HSD3B2: variants seen among roughly 807,000 people sequenced by gnomAD.
HSD3B2 encodes hydroxy-delta-5-steroid dehydrogenase, 3 beta- and steroid delta-isomerase 2.
A neutral mutation model predicts 9.9 loss-of-function variants in HSD3B2; 8 were observed. The ratio of observed to expected loss-of-function variants is 0.81; its 90% CI spans 0.47 to 1.46. The LOEUF (loss-of-function observed/expected upper bound fraction) is 1.46. Ranked by LOEUF, HSD3B2 falls within the 40% of genes most tolerant of loss-of-function variation. The probability of loss-of-function intolerance (pLI) is 0.00; values close to 1 mark genes in which losing one functional copy is unlikely to be tolerated. For missense variants in HSD3B2, 410 were observed against 448.3 expected (o/e 0.91, Z 0.77); for synonymous variants, 221 against 184.5 (o/e 1.20, Z -1.60).
At chr1:119,417,856 G>A (rs1478505685) in intron 2 of HSD3B2, among the ~76,000 whole-genome samples, 1 of 152,156 alleles carries the variant, frequency 6.6e-6, no homozygotes, top group Non-Finnish European at 1.5e-5. Context: ...ATGGCAGGTG[G>A]AATGGGCAGG....
intron 2 of HSD3B2, 59 bp downstream of exon 2, chr1:119,415,620 G>A (rs1264592391): frequency 1.9e-6 from 3 of 1,577,672 alleles, no homozygotes; most frequent in African/African-American, 2.7e-5. Flanking sequence ...TGGGTGTGGG[G>A]AGGTTGACCT....
chr1:119,418,636 T>TTATTATTATTAC (rs1400353115), intron 2 of HSD3B2, among the ~76,000 whole-genome samples: 2 of 42,894 alleles, frequency 4.7e-5, no homozygotes, highest in African/African-American at 1.0e-4. Context: ...ATTACTATTA[T>TTATTATTATTAC]TATTATTATT....
In HSD3B2 at chr1:119,422,551, G is replaced by A. The variant is rs764620496; in HGVS notation, c.1050G>A (p.Gln350=). Residue 350 remains glutamine (Q), a synonymous_variant, in exon 4 of 4, where the codon CAG becomes CAA. Coordinates refer to ENST00000369416, the MANE Select transcript of HSD3B2 (RefSeq NM_000198.4). ...KPLYSWEEAK[Q]KTVEWVGSLV... Reference sequence around the variant, plus strand: ...TCTACAGCTGGGAGGAAGCCAAGCAGAAAACCGTGGAGTGGGTTGGTTCCC... The same window carrying A: ...TCTACAGCTGGGAGGAAGCCAAGCAAAAAACCGTGGAGTGGGTTGGTTCCC... 3 of 1,614,114 alleles carry A rather than the reference G, an allele frequency of 1.9e-6. No individual in the cohort carries two copies. The highest frequency in any genetic ancestry group is 2.5e-6 in the Non-Finnish European group (3 of 1,180,000).
At chr1:119,418,531 G>T (rs1651768374) in intron 2 of HSD3B2, among the ~76,000 whole-genome samples, 2 of 151,882 alleles carry the variant, frequency 1.3e-5, no homozygotes, top group Admixed American at 6.6e-5. Flanking sequence ...TGATCACCTG[G>T]CTTTCTCATT....
In HSD3B2 at chr1:119,422,704, CA is replaced by C; in HGVS notation, c.*85del. The C allele has an allele frequency of 6.6e-7, 1 of 1,512,212 alleles. No homozygotes were observed. Among genetic ancestry groups the C allele is most frequent in the Admixed American group, 1.8e-5 (1 of 54,680 alleles). 93.7% of individuals were successfully genotyped at this position (1,512,212 alleles called of 1,614,324 possible). On this transcript the variant is annotated 3_prime_UTR_variant, in exon 4 of 4. Coordinates refer to ENST00000369416, the MANE Select transcript of HSD3B2 (RefSeq NM_000198.4). Reference sequence around the variant, plus strand: ...CCACCTGGCTTCATACAGAAGGCAACAGGGGCACAAGCCCAGGTCCTGCTGC... The same window carrying C: ...CCACCTGGCTTCATACAGAAGGCAACGGGGCACAAGCCCAGGTCCTGCTGC...
intron 2 of HSD3B2, among the ~76,000 whole-genome samples, chr1:119,415,939 G>T (rs1180665554): frequency 6.6e-6 from 1 of 152,186 alleles, no homozygotes; most frequent in Non-Finnish European, 1.5e-5. Context: ...GACCTCACCA[G>T]TGGGTCCTGC....
Position 119,422,351 on chromosome 1 carries a change from A to G in HSD3B2, c.850A>G (p.Ser284Gly). Residue 284 changes from serine (S) to glycine (G), a missense_variant, in exon 4 of 4, where the codon AGC becomes GGC. Transcript: ENST00000369416. ...EFGLRLDSRW[S>G]LPLTLMYWIG... ...TGGCCTCCGCCTTGATTCCAGATGGAGCCTTCCTTTAACCCTGATGTACTG... is the reference window on the plus strand; with the variant it reads ...TGGCCTCCGCCTTGATTCCAGATGGGGCCTTCCTTTAACCCTGATGTACTG... 1 of 1,614,146 alleles carries G rather than the reference A, an allele frequency of 6.2e-7. No homozygotes were observed.
rs1348642435 is a variant in HSD3B2 at position 119,421,417 on chromosome 1, G to A, written c.308-392G>A. Among the ~76,000 whole-genome samples, 842 of 90,256 alleles carry A rather than the reference G, an allele frequency of 9.3e-3. 21 individuals are homozygous for A. The highest frequency in any genetic ancestry group is 0.069 in the African/African-American group (764 of 11,134). 59.2% of individuals were successfully genotyped at this position (90,256 alleles called of 152,430 possible). On this transcript the variant is annotated intron_variant, in intron 3 of 3. Transcript: ENST00000369416. ...TATATATATATGTATATATATATAT[G>A]TATATATATGTATATATATATATGT...
At position 119,422,397 on chromosome 1, in the gene HSD3B2, T is replaced by C. The variant is rs1570823537; in HGVS notation, c.896T>C (p.Val299Ala). The change falls in exon 4 of 4, where the codon GTA becomes GCA. Residue 299 changes from valine to alanine, a missense_variant. Coordinates refer to ENST00000369416, the MANE Select transcript of HSD3B2 (RefSeq NM_000198.4). Reference sequence around the variant, plus strand: ...TACTGGATTGGCTTCCTGCTGGAAGTAGTGAGCTTCCTACTCAGCCCAATT... The same window carrying C: ...TACTGGATTGGCTTCCTGCTGGAAGCAGTGAGCTTCCTACTCAGCCCAATT... ...LMYWIGFLLE[V>A]VSFLLSPIYS... The C allele has an allele frequency of 6.2e-7, 1 of 1,614,112 alleles. No homozygotes were observed. Among genetic ancestry groups the C allele is most frequent in the Non-Finnish European group, 8.5e-7 (1 of 1,179,986 alleles).
intron 3 of HSD3B2, among the ~76,000 whole-genome samples, chr1:119,421,393 ATATATATATGTATATATATATATG>A (rs1211283651): frequency 5.0e-5 from 6 of 119,644 alleles, no homozygotes; most frequent in African/African-American, 7.0e-5. Flanking sequence ...ATATATATGT[ATATATATATGTATATATATATATG>A]TATATATATG....
Position 119,422,086 on chromosome 1 carries a change from A to G in HSD3B2, c.585A>G (p.Pro195=), listed in dbSNP as rs1378986672. 3.1e-6 allele frequency: 5 copies of G among 1,613,966 alleles called. No homozygotes were observed. The highest frequency in any genetic ancestry group is 3.4e-6 in the Non-Finnish European group (4 of 1,179,990). Reference sequence around the variant, plus strand: ...CATATATCTATGGGGAAGGAGGCCCATTCCTTTCTGCCAGTATAAATGAGG... The same window carrying G: ...CATATATCTATGGGGAAGGAGGCCCGTTCCTTTCTGCCAGTATAAATGAGG... ...RPTYIYGEGG[P]FLSASINEAL... The change falls in exon 4 of 4, where the codon CCA becomes CCG. Residue 195 remains proline, a synonymous_variant. Transcript: ENST00000369416.
rs779418168 is a variant in HSD3B2, at chr1:119,421,965, C to G, written c.464C>G (p.Pro155Arg). The G allele has an allele frequency of 6.2e-7, 1 of 1,614,038 alleles. No individual in the cohort carries two copies. Among genetic ancestry groups the G allele is most frequent in the Admixed American group, 1.7e-5 (1 of 60,002 alleles). Reference sequence around the variant, plus strand: ...GAAAACACATGGCCCACTCCATACCCGTACAGCAAAAAGCTTGCTGAGAAG... The same window carrying G: ...GAAAACACATGGCCCACTCCATACCGGTACAGCAAAAAGCTTGCTGAGAAG... ...PLENTWPTPY[P>R]YSKKLAEKAV... The change falls in exon 4 of 4, where the codon CCG (proline) becomes CGG (arginine). Residue 155 changes from proline to arginine, a missense_variant. Pro to Arg is a moderately radical substitution (Grantham distance 103, BLOSUM62 -2). Transcript: ENST00000369416.
At chr1:119,419,803 AAAGT>A (rs1020219986) in intron 3 of HSD3B2, 15 of 562,396 alleles carry the variant, frequency 2.7e-5, no homozygotes, top group Admixed American at 5.8e-5. Context: ...CAAGGCCCCA[AAAGT>A]AAGTAAGTAA....
chr1:119,418,698 C>G (rs1651778911), intron 2 of HSD3B2, among the ~76,000 whole-genome samples: 1 of 151,276 alleles, frequency 6.6e-6, no homozygotes, highest in South Asian at 2.1e-4. Context: ...GCCACTGAGG[C>G]TAGCATGCAG....
intron 2 of HSD3B2, among the ~76,000 whole-genome samples, chr1:119,417,752 T>C (rs1435182270): frequency 1.3e-5 from 2 of 152,210 alleles, no homozygotes; most frequent in East Asian, 1.9e-4. Context: ...TTGGCCTTTG[T>C]GGGCATTTTC....
chr1:119,421,801 G>A lies in HSD3B2; in HGVS notation c.308-8G>A, dbSNP rs371712928. On this transcript the variant is annotated splice_polypyrimidine_tract_variant and splice_region_variant and intron_variant, in intron 3 of 3. Coordinates refer to ENST00000369416, the MANE Select transcript of HSD3B2 (RefSeq NM_000198.4). ...TCCTGACACTGTCATCATGCTCTTC[G>A]TGGGCAGGTACCCAGCTACTGTTGG... is the stretch of plus-strand genomic sequence containing the variant. 89 of 1,613,458 alleles carry A rather than the reference G, an allele frequency of 5.5e-5. No homozygotes were observed. The East Asian group carries it at 1.1e-3, about 20-fold the overall frequency.
chr1:119,419,399 C>G lies in HSD3B2; in HGVS notation c.143-19C>G, dbSNP rs764534651. The G allele has an allele frequency of 6.2e-7, 1 of 1,613,310 alleles. No homozygotes were observed. The highest frequency in any genetic ancestry group is 2.2e-5 in the East Asian group (1 of 44,840). ...CAGATCCAGAAATCTTTCCAATGAC[C>G]TGACCTGTGTTCACACAGAGCTCCA... On this transcript the variant is annotated intron_variant, in intron 2 of 3. Coordinates refer to ENST00000369416, the MANE Select transcript of HSD3B2 (RefSeq NM_000198.4).
At position 119,421,853 on chromosome 1, in the gene HSD3B2, G is replaced by GT; in HGVS notation, c.353dup (p.Phe119LeufsTer6). On this transcript the variant is annotated frameshift_variant, in exon 4 of 4. Transcript: ENST00000369416. LOFTEE classifies it low-confidence loss of function (END_TRUNC). The stretch of plus-strand genomic sequence containing the variant: ...GGCCTGTGTCCAAGCCAGTGTGCCA[G>GT]TCTTCATCTACACCAGTAGCATAGA... The GT allele has an allele frequency of 6.2e-7, 1 of 1,613,558 alleles. No individual in the cohort carries two copies. The highest frequency in any genetic ancestry group is 8.5e-7 in the Non-Finnish European group (1 of 1,179,840).
chr1:119,416,397 T>C (rs1313140954), intron 2 of HSD3B2, among the ~76,000 whole-genome samples: 1 of 152,178 alleles, frequency 6.6e-6, no homozygotes, highest in African/African-American at 2.4e-5. Context: ...TTTGTGCAAA[T>C]AACCCTGTGA....
Sources: gnomAD v4.1 joint callset for allele counts (sites outside exome capture counted in the v4.1 genomes callset) on GRCh38, gnomAD v4.1.1 for gene constraint, MANE v1.5 for transcripts, NCBI Gene and HGNC (gene_info 2026-07-23, HGNC 2026-07-21) for gene names.